The following ADPRHL1 variants were observed in gnomAD, a reference collection of about 807,000 sequenced individuals.
ADPRHL1 encodes ADP-ribosylhydrolase like 1.
In ADPRHL1, 43 loss-of-function variants were observed where a neutral mutation model predicts 44.1. The ratio of observed to expected loss-of-function variants is 0.98; its 90% CI spans 0.76 to 1.26. The LOEUF (loss-of-function observed/expected upper bound fraction) is 1.26, where lower values mean the gene tolerates loss of function less well. ADPRHL1 is among the 50% of genes most tolerant of loss of function. The pLI is 0.00. For missense variants in ADPRHL1, 2,022 were observed against 2,496.9 expected, an observed-to-expected ratio of 0.81 and a Z score of 4.05; for synonymous variants, 878 against 1,017.4, an observed-to-expected ratio of 0.86 and a Z score of 2.61.
At chr13:113,435,152 A>T (rs1378046478) in intron 2 of ADPRHL1, among the ~76,000 whole-genome samples, 2 of 49,102 alleles carry the variant, frequency 4.1e-5, no homozygotes, top group Non-Finnish European at 8.2e-5. Context: ...GCACCCACGC[A>T]TAGAGTGAAC....
At chr13:113,438,335 T>C (rs769954248) in intron 2 of ADPRHL1, among the ~76,000 whole-genome samples, 6 of 152,214 alleles carry the variant, frequency 3.9e-5, no homozygotes, top group Non-Finnish European at 7.3e-5. Context: ...GTGAGCATGA[T>C]TTTGTGCTTA....
At position 113,425,023 on chromosome 13, in the gene ADPRHL1, C is replaced by T. The variant is rs982070992; in HGVS notation, c.774+29G>A. ...TATTGAGCACCACTGGTGTGCCAGA[C>T]ATTGCCCCAGTGCCAGGACAAGGCT... On this transcript the variant is annotated intron_variant, in intron 5 of 7. Transcript: ENST00000612156. The T allele has an allele frequency of 1.8e-5, 29 of 1,612,502 alleles. No homozygotes were observed. The East Asian group carries it at 6.5e-4, about 36-fold the overall frequency.
At chr13:113,422,592 A>G (rs919214695) in intron 7 of ADPRHL1, 18 of 586,194 alleles carry the variant, frequency 3.1e-5, no homozygotes, top group Non-Finnish European at 2.9e-6. Flanking sequence ...CGGCAAATCT[A>G]CGCAGTGTCA....
Position 113,408,032 on chromosome 13 carries a change from G to A in ADPRHL1, c.1250C>T (p.Pro417Leu). 1 of 1,232,822 alleles carries A rather than the reference G, an allele frequency of 8.1e-7. No individual in the cohort carries two copies. The highest frequency in any genetic ancestry group is 1.0e-6 in the Non-Finnish European group (1 of 988,666). 76.4% of individuals were successfully genotyped at this position (1,232,822 alleles called of 1,614,324 possible). Residue 417 changes from proline (P) to leucine (L), a missense_variant, in exon 8 of 8, where the codon CCC (proline) becomes CTC (leucine). This residue lies in a region of ADPRHL1 where 1,221 missense variants were observed against 1,517.8 expected (regional missense o/e 0.80). Transcript: ENST00000612156. ...EAGGSRPSHQ[P>L]QTQEATQRPT... is the part of the protein sequence containing the mutation. ...CCGCTGGGTGGCCTCCTGGGTCTGG[G>A]GCTGGTGGCTGGGCCTGCTCCCCCC...
intron 7 of ADPRHL1, among the ~76,000 whole-genome samples, chr13:113,408,848 A>AGGGGGCTGCAGAGAGGAGGGGTGGAG (rs1555325346): frequency 8.5e-6 from 1 of 117,390 alleles, no homozygotes; most frequent in Non-Finnish European, 1.7e-5. Context: ...GCAGGGGAGG[A>AGGGGGCTGCAGAGAGGAGGGGTGGAG]GGGGGCTGCA....
chr13:113,406,587 G>C lies in ADPRHL1; in HGVS notation c.2695C>G (p.Pro899Ala). Residue 899 changes from proline (P) to alanine (A), a missense_variant, in exon 8 of 8, where the codon CCA becomes GCA. By Grantham distance (27) the Pro-to-Ala change is conservative. Coordinates refer to ENST00000612156, the MANE Select transcript of ADPRHL1 (RefSeq NM_001394807.1). ...VTENRRGHRA[P>A]VELSKLSGMQ... ...CCTGAAAGCTTGCTCAGTTCCACTG[G>C]GGCTCGGTGACCCCTTCTGTTCTCA... 1 of 1,232,020 alleles carries C rather than the reference G, an allele frequency of 8.1e-7. No homozygotes were observed. Among genetic ancestry groups the C allele is most frequent in the Non-Finnish European group, 1.0e-6 (1 of 987,958 alleles). The allele number at this position is 1,232,020 out of a possible 1,614,324, so 76.3% of individuals were successfully genotyped here.
chr13:113,449,342 AG>A (rs2044163980), intron 1 of ADPRHL1: 8 of 452,480 alleles, frequency 1.8e-5, no homozygotes, highest in South Asian at 8.5e-5. Context: ...GGAAGGAGGG[AG>A]CCCTGTTCAG....
intron 2 of ADPRHL1, among the ~76,000 whole-genome samples, chr13:113,435,948 G>A (rs1202562880): frequency 2.6e-4 from 39 of 149,172 alleles, no homozygotes; most frequent in African/African-American, 9.7e-4. Flanking sequence ...TGGCACCCAG[G>A]TGCAGGGTGA....
At position 113,428,940 on chromosome 13, in the gene ADPRHL1, G is replaced by A. The variant is rs1165215945; in HGVS notation, c.646+12C>T. 1.9e-6 allele frequency: 3 copies of A among 1,612,034 alleles called. No individual in the cohort carries two copies. Among genetic ancestry groups the A allele is most frequent in the African/African-American group, 1.3e-5 (1 of 75,076 alleles). ...GCTCTGAGTGCGGACTGGGGCCGGG[G>A]GAGCGGCTCACCTGCCGTGTGCCGG... On this transcript the variant is annotated intron_variant, in intron 4 of 7. Transcript: ENST00000612156.
At chr13:113,436,852 C>A (rs2044062255) in intron 2 of ADPRHL1, among the ~76,000 whole-genome samples, 1 of 128,470 alleles carries the variant, frequency 7.8e-6, no homozygotes, top group Non-Finnish European at 1.7e-5. Flanking sequence ...CATAGGTGTA[C>A]CCCGGGACCC....
Position 113,444,335 on chromosome 13 carries a change from A to G in ADPRHL1, c.379+90T>C, listed in dbSNP as rs931801685. On this transcript the variant is annotated intron_variant, in intron 2 of 7. Transcript: ENST00000612156. ...ATCCGGCCTCACTGAAGCCACCTGG[A>G]GATGCTGGGGGTTAGTGGAAGGCAG... The G allele has an allele frequency of 4.0e-6, 6 of 1,512,430 alleles. No individual in the cohort carries two copies. In the African/African-American group the frequency reaches 8.3e-5, roughly 21 times the overall value. 93.7% of individuals were successfully genotyped at this position (1,512,430 alleles called of 1,614,324 possible). A position where few individuals can be genotyped will look rare whatever the true frequency, so the allele number is the denominator to read the frequency against.
chr13:113,435,954 G>A (rs1307718860), intron 2 of ADPRHL1, among the ~76,000 whole-genome samples: 2 of 108,396 alleles, frequency 1.8e-5, no homozygotes, highest in Admixed American at 1.1e-4. Context: ...CCAGGTGCAG[G>A]GTGAATACAG....
chr13:113,410,088 T>G, intron 7 of ADPRHL1: 1 of 985,342 alleles, frequency 1.0e-6, no homozygotes, highest in African/African-American at 1.7e-5. Flanking sequence ...GCTGACCACA[T>G]GACCACGTAG....
intron 2 of ADPRHL1, among the ~76,000 whole-genome samples, chr13:113,440,170 C>A (rs1369973051): frequency 6.6e-6 from 1 of 152,180 alleles, no homozygotes; most frequent in Non-Finnish European, 1.5e-5. Context: ...AAAATGAAAG[C>A]CAATGGCTGG....
At position 113,453,451 on chromosome 13, in the gene ADPRHL1, T is replaced by C. The variant is rs753897241; in HGVS notation, c.-14A>G. On this transcript the variant is annotated 5_prime_UTR_variant, in exon 1 of 8. Transcript: ENST00000612156. This position sits in a 1 kb window ranked among gnomAD's most constrained non-coding sequence, Gnocchi z 5.4. ...AAATTTCTCCATCCCAGGAGGCAGC[T>C]CCTCTTCCCCAACAGCTGCGGAGCG... 6.2e-7 allele frequency: 1 copy of C among 1,613,770 alleles called. No individual in the cohort carries two copies. Among genetic ancestry groups the C allele is most frequent in the Non-Finnish European group, 8.5e-7 (1 of 1,179,946 alleles).
rs914637600 is a variant in ADPRHL1, at chr13:113,403,697, G to A, written c.5585C>T (p.Pro1862Leu). Residue 1862 changes from proline to leucine, a missense_variant, in exon 8 of 8, where the codon CCA becomes CTA. Around this residue, in one of 8 missense-constraint regions of ADPRHL1, gnomAD observed 205 missense variants for 250.1 expected, o/e 0.82. Transcript: ENST00000612156. ...CCTGAGGGGGCGGCTTCCTGGGGGT[G>A]GGTACCCGGCGCTGGGCTCCCCCAG... Reference protein sequence around the residue: ...SGLGEPSAGYPPPGSRPLRGK... With the variant: ...SGLGEPSAGYLPPGSRPLRGK... 15 of 1,231,860 alleles carry A rather than the reference G, an allele frequency of 1.2e-5. No homozygotes were observed. The highest frequency in any genetic ancestry group is 4.1e-5 in the South Asian group (1 of 24,324). The allele number at this position is 1,231,860 out of a possible 1,614,324, so 76.3% of individuals were successfully genotyped here. A position where few individuals can be genotyped will look rare whatever the true frequency, so the allele number is the denominator to read the frequency against.
At chr13:113,449,082 C>T in intron 1 of ADPRHL1, 1 of 988,606 alleles carries the variant, frequency 1.0e-6, no homozygotes, top group Non-Finnish European at 1.2e-6. Flanking sequence ...GCCACCTCTC[C>T]TATGTGTCTT....
intron 1 of ADPRHL1, among the ~76,000 whole-genome samples, chr13:113,448,465 CAAA>C (rs61278696): frequency 7.5e-5 from 3 of 39,842 alleles, no homozygotes. Flanking sequence ...GACTATGTCC[CAAA>C]AAAAAAAAAA....
chr13:113,431,545 G>T (rs879468963), intron 3 of ADPRHL1, among the ~76,000 whole-genome samples: 1 of 152,258 alleles, frequency 6.6e-6, no homozygotes, highest in Non-Finnish European at 1.5e-5. Flanking sequence ...ATGGGAGCAC[G>T]CGATGCAGGC....
Sources: gnomAD v4.1 joint callset for allele counts (sites outside exome capture counted in the v4.1 genomes callset) on GRCh38, gnomAD v4.1.1 for gene constraint, gnomAD v4.1.1 regional missense constraint, Gnocchi (gnomAD v3.1) non-coding constraint, MANE v1.5 for transcripts, NCBI Gene and HGNC (gene_info 2026-07-23, HGNC 2026-07-21) for gene names.